The following SNX24 variants were observed in gnomAD, a reference collection of about 807,000 sequenced individuals.
SNX24 encodes the protein sorting nexin-24.
In SNX24, 22 loss-of-function variants were observed where a neutral mutation model predicts 28.7. The ratio of observed to expected loss-of-function variants is 0.77; its 90% CI spans 0.55 to 1.10. The LOEUF is 1.10. SNX24 is among the 50% of genes least tolerant of loss of function. The pLI, the probability that SNX24 is intolerant of heterozygous loss-of-function variation, is 0.00. For missense variants in SNX24, 221 were observed against 201.1 expected, an observed-to-expected ratio of 1.10 and a Z score of -0.60; for synonymous variants, 69 against 71.5, an observed-to-expected ratio of 0.96 and a Z score of 0.18.
rs1581861759 is a variant in SNX24, at chr5:123,008,321, G to A, written c.*572G>A. ...ATATTATGGCATTTTTAAGATCATG[G>A]CATTTTAATTTACATTAGAGTGGAG... On this transcript the variant is annotated 3_prime_UTR_variant, in exon 7 of 7. Coordinates refer to ENST00000261369, the MANE Select transcript of SNX24 (RefSeq NM_014035.4). The A allele has an allele frequency of 3.1e-6, 3 of 982,408 alleles. No individual in the cohort carries two copies. The highest frequency in any genetic ancestry group is 3.6e-6 in the Non-Finnish European group (3 of 827,202). 60.9% of individuals were successfully genotyped at this position (982,408 alleles called of 1,614,324 possible).
chr5:123,002,764 G>A (rs1299939892), intron 6 of SNX24, among the ~76,000 whole-genome samples: 5 of 152,076 alleles, frequency 3.3e-5, no homozygotes, highest in African/African-American at 7.2e-5. Flanking sequence ...CAATATTTTC[G>A]ACTGAGTCTT....
At chr5:122,979,727 G>T (rs1004971339) in intron 3 of SNX24, among the ~76,000 whole-genome samples, 2 of 152,074 alleles carry the variant, frequency 1.3e-5, no homozygotes, top group Non-Finnish European at 2.9e-5. Flanking sequence ...CTGCCTTCGG[G>T]GTAAAATTAG....
At chr5:122,875,655 A>G (rs1339116566) in intron 1 of SNX24, among the ~76,000 whole-genome samples, 1 of 152,272 alleles carries the variant, frequency 6.6e-6, no homozygotes, top group Non-Finnish European at 1.5e-5. Flanking sequence ...AAGTAAAGCC[A>G]TTACTTTCAG....
At chr5:123,013,374 C>A (rs576135616), downstream of SNX24, among the ~76,000 whole-genome samples, 1 of 152,304 alleles carries the variant, frequency 6.6e-6, no homozygotes, top group African/African-American at 2.4e-5. Flanking sequence ...TCTCTCTACT[C>A]CTTGCAAGTA....
At chr5:123,022,471 GTTT>G (rs35906519) in intron 5 of SNX24, 2 of 142,950 alleles carry the variant, frequency 1.4e-5, no homozygotes. Context: ...TTTCCCATTA[GTTT>G]TTTTTTTTTT....
intron 6 of SNX24, among the ~76,000 whole-genome samples, chr5:123,006,203 G>T (rs1762417027): frequency 6.6e-6 from 1 of 152,108 alleles, no homozygotes; most frequent in Non-Finnish European, 1.5e-5. Flanking sequence ...TTCCCCTTTG[G>T]CAAGTCTCAC....
intron 4 of SNX24, among the ~76,000 whole-genome samples, chr5:123,001,175 A>T (rs1262523614): frequency 6.6e-6 from 1 of 152,206 alleles, no homozygotes; most frequent in African/African-American, 2.4e-5. Flanking sequence ...GTAGTAATAA[A>T]ACCTGAGGAT....
intron 5 of SNX24, among the ~76,000 whole-genome samples, chr5:123,021,353 C>T (rs1375354374): frequency 6.6e-6 from 1 of 152,082 alleles, no homozygotes; most frequent in Admixed American, 6.5e-5. Context: ...GTCTGCCAGG[C>T]CAGGTGTGTA....
downstream of SNX24, chr5:123,009,329 AATATG>A (rs1447112711): frequency 4.2e-6 from 2 of 472,982 alleles, no homozygotes; most frequent in Non-Finnish European, 5.5e-6. Context: ...GTTTATTTCT[AATATG>A]ATAAGATAAA....
intron 1 of SNX24, among the ~76,000 whole-genome samples, chr5:122,877,644 C>T (rs566900590): frequency 2.6e-5 from 4 of 152,202 alleles, no homozygotes; most frequent in Non-Finnish European, 4.4e-5. Flanking sequence ...TCAGGAGGAC[C>T]GGGGTGCCCA....
At chr5:122,914,118 G>C (rs1435116871) in intron 1 of SNX24, among the ~76,000 whole-genome samples, 1 of 152,168 alleles carries the variant, frequency 6.6e-6, no homozygotes, top group Non-Finnish European at 1.5e-5. Context: ...GGAAGAGGGA[G>C]ACCGTGGGGA....
intron 1 of SNX24, among the ~76,000 whole-genome samples, chr5:122,870,053 G>C (rs1300546307): frequency 6.6e-6 from 1 of 152,172 alleles, no homozygotes; most frequent in Admixed American, 6.5e-5. Context: ...TTTGGAGAAT[G>C]TCTTCACCCT....
intron 2 of SNX24, among the ~76,000 whole-genome samples, chr5:122,944,270 G>A (rs7713543): frequency 0.028 from 4,272 of 152,134 alleles, 76 homozygotes; most frequent in Middle Eastern, 0.054. Context: ...TGCATTTTCT[G>A]GCAAGAAGAG....
chr5:122,991,872 A>G (rs1430490417), intron 3 of SNX24, among the ~76,000 whole-genome samples: 1 of 152,244 alleles, frequency 6.6e-6, no homozygotes, highest in African/African-American at 2.4e-5. Flanking sequence ...ATGTTAAGAT[A>G]AAATCCAAGG....
intron 1 of SNX24, among the ~76,000 whole-genome samples, chr5:122,864,512 A>AATTTT (rs1755632379): frequency 6.6e-6 from 1 of 152,224 alleles, no homozygotes; most frequent in Admixed American, 6.5e-5. Context: ...TTATTACTCA[A>AATTTT]ATCAATCTCC....
At chr5:122,925,352 T>G (rs1436058951) in intron 1 of SNX24, among the ~76,000 whole-genome samples, 4 of 148,900 alleles carry the variant, frequency 2.7e-5, no homozygotes, top group Non-Finnish European at 5.9e-5. Flanking sequence ...ATGAACCCCC[T>G]GGGCTCTAGC....
intron 3 of SNX24, among the ~76,000 whole-genome samples, chr5:122,974,191 G>A (rs1207561236): frequency 1.3e-5 from 2 of 152,164 alleles, no homozygotes; most frequent in Admixed American, 1.3e-4. Context: ...CACACCACTG[G>A]ACCCCTAGGA....
In SNX24 at chr5:122,901,634, A is replaced by G. The variant is rs527773546; in HGVS notation, c.61-35100A>G. On this transcript the variant is annotated intron_variant, in intron 1 of 6. Coordinates refer to ENST00000261369, the MANE Select transcript of SNX24 (RefSeq NM_014035.4). Reference sequence around the variant, plus strand: ...CCATTGAAGGTTTACTTGGCCTCTCACTCTTGACTTTTGTCTCCTGTCATT... The same window carrying G: ...CCATTGAAGGTTTACTTGGCCTCTCGCTCTTGACTTTTGTCTCCTGTCATT... Among the ~76,000 whole-genome samples the G allele has an allele frequency of 4.0e-5, 6 of 151,846 alleles. No homozygotes were observed. The East Asian group carries it at 1.2e-3, about 30-fold the overall frequency.
chr5:122,860,172 G>A (rs959330414), intron 1 of SNX24, among the ~76,000 whole-genome samples: 3 of 152,144 alleles, frequency 2.0e-5, no homozygotes, highest in Admixed American at 1.3e-4. Context: ...GCAAAGAAAC[G>A]TGTTTCAGGG....
Sources: gnomAD v4.1 joint callset for allele counts (sites outside exome capture counted in the v4.1 genomes callset) on GRCh38, gnomAD v4.1.1 for gene constraint, MANE v1.5 for transcripts, NCBI Gene and HGNC (gene_info 2026-07-23, HGNC 2026-07-21) for gene names.